The following SPAST variants were observed in gnomAD, a reference collection of about 807,000 sequenced individuals.
The protein encoded by SPAST is spastic paraplegia 4 (autosomal dominant; spastin).
SPAST carries 30 observed loss-of-function variants against 76.6 expected under a neutral mutation model. The observed-to-expected ratio is 0.39, with a 90% confidence interval of 0.29 to 0.53. SPAST has a LOEUF of 0.53. SPAST is among the 20% of genes least tolerant of loss of function. The pLI is 0.68. For missense variants in SPAST, 717 were observed against 770.5 expected (o/e 0.93, Z 0.82); for synonymous variants, 305 against 281.0 (o/e 1.09, Z -0.86).
chr2:32,154,513 A>G lies in SPAST; in HGVS notation c.*17A>G. ...ACTGTTTAAGGAAATACCTTTGTAAACCTGCAGAACATTTTACTTAAAAGA... is the reference window on the plus strand; with the variant it reads ...ACTGTTTAAGGAAATACCTTTGTAAGCCTGCAGAACATTTTACTTAAAAGA... On this transcript the variant is annotated 3_prime_UTR_variant, in exon 17 of 17. Coordinates refer to ENST00000315285, the MANE Select transcript of SPAST (RefSeq NM_014946.4). The G allele has an allele frequency of 4.3e-6, 7 of 1,612,974 alleles. No homozygotes were observed. The highest frequency in any genetic ancestry group is 5.9e-6 in the Non-Finnish European group (7 of 1,179,048).
chr2:32,151,352 A>C (rs541125970), intron 16 of SPAST, among the ~76,000 whole-genome samples: 10 of 152,140 alleles, frequency 6.6e-5, no homozygotes, highest in Non-Finnish European at 1.5e-4. Context: ...AATATTTATA[A>C]AGCACTTAAA....
At chr2:32,147,112 T>G (rs372451769) in intron 15 of SPAST, 106 bp from the exon 16 acceptor site, 6 of 754,826 alleles carry the variant, frequency 7.9e-6, no homozygotes, top group East Asian at 5.0e-5. Context: ...ATATAATGAT[T>G]TGTACTGAAT....
intron 1 of SPAST, among the ~76,000 whole-genome samples, chr2:32,083,741 TTATATATACTATATATA>T (rs1553398770): frequency 3.5e-5 from 2 of 57,142 alleles, no homozygotes; most frequent in Non-Finnish European, 6.4e-5. Flanking sequence ...CTATATATAT[TTATATATACTATATATA>T]TATATATATA....
At chr2:32,140,015 A>T (rs1308549606) in intron 12 of SPAST, among the ~76,000 whole-genome samples, 1 of 152,188 alleles carries the variant, frequency 6.6e-6, no homozygotes, top group Non-Finnish European at 1.5e-5. Flanking sequence ...TATCGTTAAA[A>T]TGGGAAATTT....
chr2:32,142,651 C>T (rs540506410), intron 13 of SPAST, among the ~76,000 whole-genome samples: 1 of 152,198 alleles, frequency 6.6e-6, no homozygotes, highest in South Asian at 2.1e-4. Context: ...CCTCCTCAGC[C>T]TCCCAAAGTG....
chr2:32,081,245 C>T lies in SPAST; in HGVS notation c.416-6247C>T, dbSNP rs948912291. Among the ~76,000 whole-genome samples the T allele has an allele frequency of 2.6e-5, 4 of 152,230 alleles. No individual in the cohort carries two copies. In the South Asian group the frequency reaches 8.3e-4, roughly 32 times the overall value. ...GTGCTGGGATTACAGGCGTGAGCCA[C>T]CTCACCTGGCGTTTTTTTGTGTGTG... On this transcript the variant is annotated intron_variant, in intron 1 of 16. Coordinates refer to ENST00000315285, the MANE Select transcript of SPAST (RefSeq NM_014946.4).
intron 7 of SPAST, among the ~76,000 whole-genome samples, chr2:32,121,168 G>A (rs369777734): frequency 1.3e-5 from 2 of 151,806 alleles, no homozygotes; most frequent in African/African-American, 4.8e-5. Context: ...GTGGGGGCAG[G>A]GGGGAAGGAG....
intron 16 of SPAST, among the ~76,000 whole-genome samples, chr2:32,153,114 G>C (rs1400524495): frequency 1.3e-5 from 2 of 152,000 alleles, no homozygotes; most frequent in Non-Finnish European, 2.9e-5. Flanking sequence ...CAAGTTACAA[G>C]TGTAGGTGAT....
chr2:32,066,085 T>G (rs1473412357), intron 1 of SPAST: 1 of 152,008 alleles, frequency 6.6e-6, no homozygotes, highest in Non-Finnish European at 1.5e-5. Flanking sequence ...GCGATTCTCT[T>G]GCCTCAGTCT....
chr2:32,139,164 T>G (rs890441641), intron 12 of SPAST, among the ~76,000 whole-genome samples: 1 of 152,214 alleles, frequency 6.6e-6, no homozygotes, highest in African/African-American at 2.4e-5. Flanking sequence ...CATATGAATT[T>G]TAGAATATTT....
At chr2:32,113,625 G>A (rs1207627126) in intron 4 of SPAST, among the ~76,000 whole-genome samples, 3 of 139,614 alleles carry the variant, frequency 2.1e-5, no homozygotes, top group African/African-American at 8.1e-5. Context: ...GAGTGCAGTA[G>A]TGCAATCTCG....
intron 4 of SPAST, among the ~76,000 whole-genome samples, chr2:32,106,914 A>G (rs953250885): frequency 1.3e-5 from 2 of 151,664 alleles, no homozygotes; most frequent in African/African-American, 2.4e-5. Context: ...AAGAAATGTA[A>G]GAGTCCATCA....
chr2:32,064,677 T>C (rs2280967), intron 1 of SPAST, among the ~76,000 whole-genome samples: 64,261 of 152,026 alleles, frequency 0.42, 13,893 homozygotes, highest in East Asian at 0.64. Flanking sequence ...AAGCAGAGTA[T>C]TGTAGTGTCA....
intron 3 of SPAST, among the ~76,000 whole-genome samples, chr2:32,090,996 A>C (rs1479724100): frequency 2.0e-5 from 3 of 152,028 alleles, no homozygotes; most frequent in African/African-American, 4.8e-5. Flanking sequence ...GCATTCATCA[A>C]CTGTAATAGA....
At position 32,147,137 on chromosome 2, in the gene SPAST, C is replaced by T. The variant is rs1679912894; in HGVS notation, c.1688-81C>T. On this transcript the variant is annotated intron_variant, in intron 15 of 16. Transcript: ENST00000315285. Reference sequence around the variant, plus strand: ...TTGTACTGAATAGATACATGTAGATCATTGTACTTGGTTTTGCCCTTCAAC... The same window carrying T: ...TTGTACTGAATAGATACATGTAGATTATTGTACTTGGTTTTGCCCTTCAAC... The T allele has an allele frequency of 2.8e-5, 24 of 866,068 alleles. 1 individual carries two copies. In the South Asian group the frequency reaches 3.2e-4, roughly 11 times the overall value. 53.6% of individuals were successfully genotyped at this position (866,068 alleles called of 1,614,324 possible). A position where few individuals can be genotyped will look rare whatever the true frequency, so the allele number is the denominator to read the frequency against.
intron 4 of SPAST, among the ~76,000 whole-genome samples, chr2:32,105,928 A>C (rs1678303052): frequency 6.6e-6 from 1 of 152,196 alleles, no homozygotes; most frequent in Non-Finnish European, 1.5e-5. Flanking sequence ...TTGAGGAGGC[A>C]GTCTGTCCGT....
intron 16 of SPAST, among the ~76,000 whole-genome samples, chr2:32,149,615 G>A (rs1263072115): frequency 6.6e-6 from 1 of 152,006 alleles, no homozygotes; most frequent in African/African-American, 2.4e-5. Context: ...ATACTTGGGG[G>A]AAAAAAGCAT....
At chr2:32,072,514 C>G (rs1255969916) in intron 1 of SPAST, among the ~76,000 whole-genome samples, 1 of 152,078 alleles carries the variant, frequency 6.6e-6, no homozygotes, top group Non-Finnish European at 1.5e-5. Context: ...TGAGTCATGT[C>G]CAACCCCCAC....
Position 32,087,483 on chromosome 2 carries a change from A to G in SPAST, c.416-9A>G. On this transcript the variant is annotated splice_polypyrimidine_tract_variant and intron_variant, in intron 1 of 16. Transcript: ENST00000315285. ...ATACGATCTATACAAATAATTTTTT[A>G]TTTTAAAGCAGGACAGAAGGAGCAA... The G allele has an allele frequency of 6.4e-7, 1 of 1,568,044 alleles. No individual in the cohort carries two copies. Among genetic ancestry groups the G allele is most frequent in the Non-Finnish European group, 8.8e-7 (1 of 1,140,088 alleles).
Sources: gnomAD v4.1 joint callset for allele counts (sites outside exome capture counted in the v4.1 genomes callset) on GRCh38, gnomAD v4.1.1 for gene constraint, MANE v1.5 for transcripts, NCBI Gene and HGNC (gene_info 2026-07-23, HGNC 2026-07-21) for gene names.